The following CD226 variants were observed in gnomAD, a reference collection of about 807,000 sequenced individuals.
CD226 encodes CD226 molecule, also known as CD226 antigen.
Under a neutral mutation model 34.9 loss-of-function variants are expected in CD226, and 24 were observed. That is an observed-to-expected ratio of 0.69 (90% CI 0.50 to 0.97). The LOEUF (loss-of-function observed/expected upper bound fraction) is 0.97. Ranked by LOEUF, CD226 falls within the 50% of genes least tolerant of loss-of-function variation. CD226 has a pLI of 0.00. For missense variants in CD226, 397 were observed against 412.7 expected (o/e 0.96, Z 0.33); for synonymous variants, 148 against 147.4 (o/e 1.00, Z -0.03).
intron 2 of CD226, among the ~76,000 whole-genome samples, chr18:69,937,793 A>G (rs759459290): frequency 5.3e-5 from 8 of 152,178 alleles, no homozygotes; most frequent in Non-Finnish European, 1.0e-4. Flanking sequence ...AATGTTGGCC[A>G]TGCTGCCCTC....
intron 2 of CD226, among the ~76,000 whole-genome samples, chr18:69,914,141 A>G (rs1171155809): frequency 1.3e-5 from 2 of 152,212 alleles, no homozygotes; most frequent in African/African-American, 4.8e-5. Context: ...GCTTGTATGT[A>G]TTATGTCAGA....
chr18:69,880,357 A>AAGGAAGGAAGGAAGGAAGGAAGG (rs34896747), intron 3 of CD226, among the ~76,000 whole-genome samples: 3 of 89,532 alleles, frequency 3.4e-5, no homozygotes, highest in Non-Finnish European at 4.7e-5. Context: ...AGAAAGAAAG[A>AAGGAAGGAAGGAAGGAAGGAAGG]AAGGAAGGAA....
Position 69,947,686 on chromosome 18 carries a change from T to C in CD226, c.-280A>G, listed in dbSNP as rs1180463052. ...CAAGGAGTCATTCATTCAACAAACA[T>C]GTGCTGCATGCATTCTCTGTGCCTA... On this transcript the variant is annotated 5_prime_UTR_variant, in exon 1 of 6. It removes an upstream start codon present in the reference 5' UTR. Transcript: ENST00000582621. The C allele has an allele frequency of 1.0e-5, 3 of 300,234 alleles. No homozygotes were observed. Among genetic ancestry groups the C allele is most frequent in the Non-Finnish European group, 1.2e-5 (2 of 165,898 alleles). 18.6% of individuals were successfully genotyped at this position (300,234 alleles called of 1,614,324 possible). A position where few individuals can be genotyped will look rare whatever the true frequency, so the allele number is the denominator to read the frequency against.
At chr18:69,865,091 C>A (rs570454349) in intron 5 of CD226, among the ~76,000 whole-genome samples, 1 of 152,230 alleles carries the variant, frequency 6.6e-6, no homozygotes, top group African/African-American at 2.4e-5. Context: ...CTCCCAGGTT[C>A]AAGCAATTCT....
At chr18:69,959,335 C>G (rs2055918875), upstream of CD226, among the ~76,000 whole-genome samples, 1 of 152,140 alleles carries the variant, frequency 6.6e-6, no homozygotes, top group South Asian at 2.1e-4. Flanking sequence ...AGCCCTCTCT[C>G]CAACATTTTT....
At chr18:69,960,172 A>C (rs2055923002), upstream of CD226, among the ~76,000 whole-genome samples, 2 of 151,520 alleles carry the variant, frequency 1.3e-5, no homozygotes, top group African/African-American at 4.8e-5. Flanking sequence ...CCTGGGAGGC[A>C]GTGGTTGTAG....
At chr18:69,892,668 T>C (rs1984975063) in intron 3 of CD226, among the ~76,000 whole-genome samples, 2 of 152,164 alleles carry the variant, frequency 1.3e-5, no homozygotes, top group South Asian at 2.1e-4. Context: ...GACCTGCTGG[T>C]TGGCAGGGGT....
intron 2 of CD226, among the ~76,000 whole-genome samples, chr18:69,938,063 A>T (rs1332500871): frequency 6.6e-6 from 1 of 152,202 alleles, no homozygotes; most frequent in Non-Finnish European, 1.5e-5. Flanking sequence ...GCCTCATCCC[A>T]CCTGGGAGAG....
intron 1 of CD226, 49 bp downstream of exon 1, chr18:69,947,312 C>A (rs1470293316): frequency 7.7e-7 from 1 of 1,304,940 alleles, no homozygotes; most frequent in Non-Finnish European, 1.1e-6. Flanking sequence ...ACTGTACAAA[C>A]AAAAACAGGA....
At chr18:69,898,760 C>A (rs752681794) in intron 2 of CD226, among the ~76,000 whole-genome samples, 2 of 152,182 alleles carry the variant, frequency 1.3e-5, no homozygotes, top group Non-Finnish European at 2.9e-5. Context: ...TCAGATATTG[C>A]TTGTGGCTTC....
upstream of CD226, among the ~76,000 whole-genome samples, chr18:69,952,567 T>C (rs1193952077): frequency 1.3e-5 from 2 of 152,270 alleles, no homozygotes; most frequent in East Asian, 3.9e-4. Context: ...AAGCATGAAA[T>C]TGGATCCCTA....
chr18:69,908,705 A>T (rs1457996535), intron 2 of CD226, among the ~76,000 whole-genome samples: 2 of 152,232 alleles, frequency 1.3e-5, no homozygotes, highest in African/African-American at 4.8e-5. Flanking sequence ...AAAGGTTCAG[A>T]CGTTTCCTAT....
intron 5 of CD226, among the ~76,000 whole-genome samples, chr18:69,866,565 T>C (rs891703218): frequency 6.6e-6 from 1 of 152,152 alleles, no homozygotes; most frequent in Non-Finnish European, 1.5e-5. Flanking sequence ...ATAATGAATA[T>C]CATTACGTTC....
In CD226 at chr18:69,864,265, G is replaced by A. The variant is rs186207803; in HGVS notation, c.*49C>T. ...GGAAAAAAATTGCATAAAGATCCAT[G>A]CATGAGTACATAAGAGTCATTACTA... On this transcript the variant is annotated 3_prime_UTR_variant, in exon 6 of 6. Transcript: ENST00000582621. The A allele has an allele frequency of 1.9e-6, 3 of 1,594,294 alleles. No individual in the cohort carries two copies. The East Asian group carries it at 6.7e-5, about 36-fold the overall frequency.
At chr18:69,959,359 A>G (rs538496565), upstream of CD226, among the ~76,000 whole-genome samples, 9 of 152,188 alleles carry the variant, frequency 5.9e-5, no homozygotes, top group Non-Finnish European at 1.2e-4. Context: ...TGACCCTTGC[A>G]AAAGGCTTTT....
chr18:69,879,004 A>T (rs1157395307), intron 3 of CD226, among the ~76,000 whole-genome samples: 1 of 152,162 alleles, frequency 6.6e-6, no homozygotes. Flanking sequence ...AGGTTCCGTG[A>T]TGCCTCCTGA....
chr18:69,896,270 C>G (rs556794301), intron 2 of CD226: 15 of 475,244 alleles, frequency 3.2e-5, no homozygotes, highest in Non-Finnish European at 4.1e-5. Context: ...CAACCTCCAC[C>G]TCCCAGGTTC....
chr18:69,882,207 C>CA (rs1435521548), intron 3 of CD226, among the ~76,000 whole-genome samples: 2 of 152,318 alleles, frequency 1.3e-5, no homozygotes, highest in African/African-American at 4.8e-5. Flanking sequence ...AATTTTGCTA[C>CA]AATTTGCCTC....
intron 2 of CD226, chr18:69,896,250 C>A: frequency 1.6e-6 from 1 of 644,348 alleles, no homozygotes; most frequent in South Asian, 7.0e-5. Flanking sequence ...GGTGTGATCT[C>A]GGCTCAATGC....
Sources: allele counts gnomAD v4.1 joint callset (sites outside exome capture counted in the v4.1 genomes callset), GRCh38; gene constraint gnomAD v4.1.1; transcripts MANE v1.5; gene names NCBI Gene and HGNC (gene_info 2026-07-23, HGNC 2026-07-21).